The following EFCAB5 variants were observed in gnomAD, a reference collection of about 807,000 sequenced individuals.
EFCAB5 encodes EF-hand calcium-binding domain-containing protein 5.
EFCAB5 carries 131 observed loss-of-function variants against 167.9 expected under a neutral mutation model. The observed-to-expected ratio is 0.78, with a 90% CI of 0.68 to 0.90. EFCAB5 has a LOEUF of 0.90. EFCAB5 is among the 40% of genes least tolerant of loss of function. The pLI is 0.00. For synonymous variants in EFCAB5, 574 were observed against 602.8 expected, an observed-to-expected ratio of 0.95 and a Z score of 0.70; for missense variants, 1,663 against 1,745.2, an observed-to-expected ratio of 0.95 and a Z score of 0.84.
intron 5 of EFCAB5, among the ~76,000 whole-genome samples, chr17:29,995,962 A>G (rs1347370510): frequency 6.6e-6 from 1 of 152,228 alleles, no homozygotes; most frequent in African/African-American, 2.4e-5. Context: ...CAATTTTAGC[A>G]GAATTCATGT....
At position 30,091,922 on chromosome 17, in the gene EFCAB5, T is replaced by A. The variant is rs767654957; in HGVS notation, c.3989T>A (p.Ile1330Asn). ...VQRAGILFFRIMLLELQESIQ... is the reference protein window; with the variant it reads ...VQRAGILFFRNMLLELQESIQ... ...CGGGCAGGAATTCTCTTCTTCCGAA[T>A]CATGCTGCTCGAGCTACAGGAAAGC... is the stretch of plus-strand genomic sequence containing the variant. Residue 1330 changes from isoleucine (I) to asparagine (N), a missense_variant, in exon 21 of 23, where the codon ATC becomes AAC. By Grantham distance (149) the Ile-to-Asn change is moderately radical. Coordinates refer to ENST00000394835, the MANE Select transcript of EFCAB5 (RefSeq NM_198529.4). 1.0e-4 allele frequency: 162 copies of A among 1,613,910 alleles called. No homozygotes were observed. Among genetic ancestry groups the A allele is most frequent in the Non-Finnish European group, 1.3e-4 (158 of 1,179,906 alleles).
At chr17:30,063,752 T>G (rs1164221913) in intron 14 of EFCAB5, among the ~76,000 whole-genome samples, 4 of 152,032 alleles carry the variant, frequency 2.6e-5, no homozygotes, top group Non-Finnish European at 5.9e-5. Flanking sequence ...CCAAGAGGGA[T>G]CCCCCTCAGC....
At chr17:30,080,561 T>TTG (rs1555571514) in intron 16 of EFCAB5, among the ~76,000 whole-genome samples, 192 bp from the exon 17 acceptor site, 1 of 151,360 alleles carries the variant, frequency 6.6e-6, no homozygotes, top group Non-Finnish European at 1.5e-5. Flanking sequence ...TTTTTTTTTT[T>TTG]TTTGTTTGTT....
intron 4 of EFCAB5, among the ~76,000 whole-genome samples, chr17:29,989,588 G>C (rs2068367867): frequency 6.6e-6 from 1 of 152,200 alleles, no homozygotes; most frequent in Non-Finnish European, 1.5e-5. Flanking sequence ...AGCAGGAGAA[G>C]ACAGTCCTGG....
intron 1 of EFCAB5, among the ~76,000 whole-genome samples, chr17:29,931,177 T>A (rs1490431112): frequency 6.6e-6 from 1 of 152,214 alleles, no homozygotes; most frequent in Non-Finnish European, 1.5e-5. Flanking sequence ...TTGACAAGGC[T>A]ATTTCTCAGC....
At chr17:29,941,958 AT>A (rs2067304355) in intron 1 of EFCAB5, 120 bp downstream of exon 1, 1 of 1,131,904 alleles carries the variant, frequency 8.8e-7, no homozygotes, top group Admixed American at 2.3e-5. Context: ...TGGTTGAAGT[AT>A]TCTGCATCAG....
At chr17:29,958,967 C>G (rs753645450) in intron 3 of EFCAB5, among the ~76,000 whole-genome samples, 38 of 152,262 alleles carry the variant, frequency 2.5e-4, no homozygotes, top group Admixed American at 3.3e-4. Context: ...TTGTTCTCTT[C>G]CCTTACATCT....
chr17:29,941,516 A>G (rs1014510811), upstream of EFCAB5: 4 of 239,582 alleles, frequency 1.7e-5, no homozygotes, highest in Admixed American at 5.6e-5. Context: ...TTTTTTAATG[A>G]TAGTAGTAAT....
rs117276118 is a variant in EFCAB5 at position 29,956,782 on chromosome 17, C to T, written c.191-12009C>T. Among the ~76,000 whole-genome samples the T allele has an allele frequency of 6.7e-3, 1,024 of 151,780 alleles. 4 individuals are homozygous for T. Among genetic ancestry groups the T allele is most frequent in the Admixed American group, 0.014 (219 of 15,240 alleles). On this transcript the variant is annotated intron_variant, in intron 3 of 22. Transcript: ENST00000394835. ...GAGGTTCAAAAGCAAGCAAAATTAA[C>T]CTGTAGTGTTAGAAGTCACGGGAGT...
intron 3 of EFCAB5, among the ~76,000 whole-genome samples, 197 bp downstream of exon 3, chr17:29,943,846 G>A (rs1028464870): frequency 6.6e-6 from 1 of 151,886 alleles, no homozygotes; most frequent in Non-Finnish European, 1.5e-5. Context: ...ATAGTGGCGG[G>A]TGCCTGTAAT....
intron 4 of EFCAB5, 130 bp downstream of exon 4, chr17:29,969,497 C>G: frequency 1.2e-6 from 1 of 818,868 alleles, no homozygotes. Flanking sequence ...ATTTATTGAG[C>G]TACTAGTATG....
rs377423853 is a variant in EFCAB5, at chr17:30,091,856, A to G, written c.3938-15A>G. 57 of 1,611,780 alleles carry G rather than the reference A, an allele frequency of 3.5e-5. No homozygotes were observed. Among genetic ancestry groups the G allele is most frequent in the Non-Finnish European group, 4.3e-5 (51 of 1,178,388 alleles). On this transcript the variant is annotated splice_polypyrimidine_tract_variant and intron_variant, in intron 20 of 22. Coordinates refer to ENST00000394835, the MANE Select transcript of EFCAB5 (RefSeq NM_198529.4). Reference sequence around the variant, plus strand: ...AGACTGAACAGCAATGTGAGCTATCATTTTGTTATTCCAGAGATTGAAAAT... The same window carrying G: ...AGACTGAACAGCAATGTGAGCTATCGTTTTGTTATTCCAGAGATTGAAAAT...
intron 3 of EFCAB5, among the ~76,000 whole-genome samples, chr17:29,949,473 G>A (rs921570008): frequency 2.6e-5 from 4 of 152,180 alleles, no homozygotes; most frequent in Admixed American, 1.3e-4. Context: ...TGCCTGGCAC[G>A]CAGTGAGAAA....
chr17:29,989,047 C>T (rs186640854), intron 4 of EFCAB5, among the ~76,000 whole-genome samples: 2 of 152,280 alleles, frequency 1.3e-5, no homozygotes, highest in African/African-American at 4.8e-5. Context: ...AAATAGATTA[C>T]GTATGGCATA....
At chr17:29,980,638 T>G (rs534539852) in intron 4 of EFCAB5, among the ~76,000 whole-genome samples, 1 of 152,356 alleles carries the variant, frequency 6.6e-6, no homozygotes, top group African/African-American at 2.4e-5. Context: ...CTTTTCTGGC[T>G]CATTCTCTGC....
Position 30,092,140 on chromosome 17 carries a change from T to G in EFCAB5, c.4207T>G (p.Trp1403Gly), listed in dbSNP as rs773639267. ...ELEFSSDFGS[W>G]DKCKFYVNKY... ...GGAATTTTCAAGTGACTTTGGAAGT[T>G]GGGATAAGTGTAAATTTGTAAGTTT... Residue 1403 changes from tryptophan to glycine, a missense_variant, in exon 21 of 23, where the codon TGG becomes GGG. Physicochemically the swap from Trp to Gly is radical, Grantham distance 184. Transcript: ENST00000394835. 6.2e-7 allele frequency: 1 copy of G among 1,612,120 alleles called. No individual in the cohort carries two copies. Among genetic ancestry groups the G allele is most frequent in the Non-Finnish European group, 8.5e-7 (1 of 1,178,820 alleles).
intron 7 of EFCAB5, among the ~76,000 whole-genome samples, chr17:30,028,768 T>C (rs1321280816): frequency 6.6e-6 from 1 of 152,196 alleles, no homozygotes; most frequent in Admixed American, 6.6e-5. Flanking sequence ...TTGGCAGGGT[T>C]GGTTTCTTCT....
At chr17:30,033,827 C>T (rs900304884) in intron 7 of EFCAB5, among the ~76,000 whole-genome samples, 32 of 152,188 alleles carry the variant, frequency 2.1e-4, no homozygotes, top group Non-Finnish European at 7.3e-5. Flanking sequence ...TTAAATGCAG[C>T]CAGTCTTGCA....
At chr17:30,106,309 A>G (rs1005811237) in intron 22 of EFCAB5, among the ~76,000 whole-genome samples, 1 of 151,764 alleles carries the variant, frequency 6.6e-6, no homozygotes, top group Admixed American at 6.6e-5. Context: ...ATAAATAAAT[A>G]ATAAAGCTTG....
Sources: allele counts gnomAD v4.1 joint callset (sites outside exome capture counted in the v4.1 genomes callset), GRCh38; gene constraint gnomAD v4.1.1; transcripts MANE v1.5; gene names NCBI Gene and HGNC (gene_info 2026-07-23, HGNC 2026-07-21).